The following RECQL variants were observed in gnomAD, a reference collection of about 807,000 sequenced individuals.
RECQL encodes ATP-dependent DNA helicase Q1.
A neutral mutation model predicts 75.8 loss-of-function variants in RECQL; 73 were observed. The observed-to-expected ratio is 0.96, with a 90% CI of 0.80 to 1.17. RECQL has a LOEUF of 1.17. Among genes scored for constraint, RECQL ranks in the 50% most tolerant of loss-of-function variants. RECQL has a pLI of 0.00. For synonymous variants in RECQL, 248 were observed against 254.4 expected (o/e 0.97, Z 0.24); for missense variants, 699 against 772.1 (o/e 0.91, Z 1.12).
intron 13 of RECQL, 107 bp downstream of exon 13, chr12:21,471,321 A>G (rs1286758947): frequency 1.3e-5 from 14 of 1,087,756 alleles, no homozygotes; most frequent in Admixed American, 2.9e-5. Context: ...TTTCTATAGC[A>G]TTTAAAAGTT....
Position 21,479,632 on chromosome 12 carries a change from C to T in RECQL, c.701-1663G>A, listed in dbSNP as rs139078713. Among the ~76,000 whole-genome samples the T allele has an allele frequency of 3.2e-3, 483 of 152,212 alleles. 4 individuals carry two copies. Among genetic ancestry groups the T allele is most frequent in the African/African-American group, 0.011 (455 of 41,536 alleles). On this transcript the variant is annotated intron_variant, in intron 6 of 14. Coordinates refer to ENST00000444129, the MANE Select transcript of RECQL (RefSeq NM_002907.4). ...CCTCCCAAAGTGCTGGGATTACAGGCGTGAGCCACCGCACCGAGCCCATCA... is the reference window on the plus strand; with the variant it reads ...CCTCCCAAAGTGCTGGGATTACAGGTGTGAGCCACCGCACCGAGCCCATCA...
chr12:21,490,547 G>T lies in RECQL; in HGVS notation c.215-169C>A, dbSNP rs77099696. On this transcript the variant is annotated intron_variant, in intron 3 of 14. Coordinates refer to ENST00000444129, the MANE Select transcript of RECQL (RefSeq NM_002907.4). Reference sequence around the variant, plus strand: ...TAAGCAAAGCAAAAACAAGTTAAATGATGTATTATAAGACATAGTAGGCAT... The same window carrying T: ...TAAGCAAAGCAAAAACAAGTTAAATTATGTATTATAAGACATAGTAGGCAT... Among the ~76,000 whole-genome samples the T allele has an allele frequency of 0.039, 5,989 of 152,254 alleles. 127 individuals are homozygous for T. The highest frequency in any genetic ancestry group is 0.061 in the Middle Eastern group (18 of 294).
intron 4 of RECQL, among the ~76,000 whole-genome samples, chr12:21,488,031 A>G (rs1168123500): frequency 6.6e-6 from 1 of 152,148 alleles, no homozygotes; most frequent in Non-Finnish European, 1.5e-5. Context: ...TCTTCCCTTC[A>G]TAGTCATTCT....
rs2137374344 is a variant in RECQL, at chr12:21,483,486, C to A, written c.590G>T (p.Ser197Ile). Residue 197 changes from serine to isoleucine, a missense_variant, in exon 6 of 15, where the codon AGC (serine) becomes ATC (isoleucine). By Grantham distance (142) the Ser-to-Ile change is moderately radical (BLOSUM62 -2). Around this residue, in one of 2 missense-constraint regions of RECQL, gnomAD observed 669 missense variants for 713.5 expected, o/e 0.94. Coordinates refer to ENST00000444129, the MANE Select transcript of RECQL (RefSeq NM_002907.4). ...CTCTAGTCTTGACATAAACATTTTG[C>A]TTTTTGCAATTTTCTCTGGAGTCAC... is the stretch of plus-strand genomic sequence containing the variant. ...IYVTPEKIAK[S>I]KMFMSRLEKA... 3 of 1,587,198 alleles carry A rather than the reference C, an allele frequency of 1.9e-6. No individual in the cohort carries two copies. The highest frequency in any genetic ancestry group is 2.6e-6 in the Non-Finnish European group (3 of 1,172,838).
intron 2 of RECQL, among the ~76,000 whole-genome samples, chr12:21,496,078 T>C (rs2136773231): frequency 6.6e-6 from 1 of 152,342 alleles, no homozygotes; most frequent in African/African-American, 2.4e-5. Flanking sequence ...ACTAAAAATA[T>C]TACTGCATTC....
Position 21,470,125 on chromosome 12 carries a change from C to G in RECQL, c.*69G>C. On this transcript the variant is annotated 3_prime_UTR_variant, in exon 15 of 15. Transcript: ENST00000444129. Reference sequence around the variant, plus strand: ...ATGAAATTCTTTTAAAAACTATTGTCTAACTACAAAAATAATGGCATATAC... The same window carrying G: ...ATGAAATTCTTTTAAAAACTATTGTGTAACTACAAAAATAATGGCATATAC... 9 of 1,541,494 alleles carry G rather than the reference C, an allele frequency of 5.8e-6. No individual in the cohort carries two copies. Among genetic ancestry groups the G allele is most frequent in the Non-Finnish European group, 7.0e-6 (8 of 1,135,724 alleles).
At chr12:21,490,046 T>C (rs1048775402) in intron 4 of RECQL, among the ~76,000 whole-genome samples, 153 bp downstream of exon 4, 1 of 152,158 alleles carries the variant, frequency 6.6e-6, no homozygotes, top group Non-Finnish European at 1.5e-5. Flanking sequence ...CTCCTTTAAG[T>C]GAAACTTTAA....
In RECQL at chr12:21,490,203, T is replaced by C; in HGVS notation, c.390A>G (p.Ser130=). 2 of 1,601,306 alleles carry C rather than the reference T, an allele frequency of 1.2e-6. No homozygotes were observed. Among genetic ancestry groups the C allele is most frequent in the Non-Finnish European group, 1.7e-6 (2 of 1,170,444 alleles). ...SLCYQLPALC[S]DGFTLVICPL... is the part of the protein sequence containing the mutation. ...ATTAATTTTTTTAGTACATACCATC[T>C]GAACATAATGCTGGTAACTGGTAAC... The change falls in exon 4 of 15, where the codon TCA becomes TCG. Residue 130 remains serine (S), a synonymous_variant. Transcript: ENST00000444129.
intron 5 of RECQL, among the ~76,000 whole-genome samples, chr12:21,486,221 T>C (rs959188058): frequency 2.6e-5 from 4 of 152,190 alleles, no homozygotes; most frequent in Admixed American, 2.6e-4. Flanking sequence ...ATACTGAAAC[T>C]TGAATTGCAA....
intron 2 of RECQL, among the ~76,000 whole-genome samples, chr12:21,495,002 C>T (rs775051032): frequency 2.9e-4 from 44 of 152,120 alleles, no homozygotes; most frequent in Non-Finnish European, 5.3e-4. Flanking sequence ...ATGGTCTGAC[C>T]GACAAGATCT....
chr12:21,472,348 G>A lies in RECQL; in HGVS notation c.1448-701C>T, dbSNP rs144659483. ...CATGCAAGAAACAATCTGAGAGCAA[G>A]CCAACAGAGTAAAGTGAAAGCAAAG... is the stretch of plus-strand genomic sequence containing the variant. On this transcript the variant is annotated intron_variant, in intron 12 of 14. Transcript: ENST00000444129. Among the ~76,000 whole-genome samples the A allele has an allele frequency of 1.3e-4, 20 of 152,202 alleles. No homozygotes were observed. The East Asian group carries it at 3.9e-3, about 29-fold the overall frequency.
rs144888414 is a variant in RECQL at position 21,490,284 on chromosome 12, T to C, written c.309A>G (p.Thr103=). ...RPLQLETINV[T]MAGKEVFLVM... is the part of the protein sequence containing the mutation. Reference sequence around the variant, plus strand: ...CAAGAAATACCTCCTTTCCAGCCATTGTTACGTTAATAGTTTCAAGCTGAA... The same window carrying C: ...CAAGAAATACCTCCTTTCCAGCCATCGTTACGTTAATAGTTTCAAGCTGAA... Residue 103 remains threonine (T), a synonymous_variant, in exon 4 of 15, where the codon ACA becomes ACG. Transcript: ENST00000444129. 6.3e-5 allele frequency: 102 copies of C among 1,612,762 alleles called. No homozygotes were observed. Among genetic ancestry groups the C allele is most frequent in the Admixed American group, 3.5e-4 (21 of 59,998 alleles).
At chr12:21,474,574 A>G (rs1013042398) in intron 11 of RECQL, among the ~76,000 whole-genome samples, 2 of 152,108 alleles carry the variant, frequency 1.3e-5, no homozygotes, top group Non-Finnish European at 2.9e-5. Context: ...TGCCAGAGAA[A>G]AAAAGCCTTC....
rs79652499 is a variant in RECQL, at chr12:21,490,612, T to A, written c.215-234A>T. ...ATAATCTCAACAGTTTTGGGAGGCC[T>A]AAGCAGGAGGATTACTTGAGCTCAG... is the stretch of plus-strand genomic sequence containing the variant. On this transcript the variant is annotated intron_variant, in intron 3 of 14. Transcript: ENST00000444129. 0.039 allele frequency among the ~76,000 whole-genome samples: 5,988 copies of A among 152,208 alleles called. 128 individuals are homozygous for A. The highest frequency in any genetic ancestry group is 0.061 in the Middle Eastern group (18 of 294).
intron 2 of RECQL, among the ~76,000 whole-genome samples, chr12:21,492,596 C>A (rs1003819775): frequency 1.3e-5 from 2 of 152,322 alleles, no homozygotes; most frequent in Admixed American, 1.3e-4. Context: ...TTAGGTTTGG[C>A]CACAAGTGAA....
chr12:21,486,498 A>C lies in RECQL; in HGVS notation c.482T>G (p.Leu161Ter). Reference protein sequence around the residue: ...LKQLGISATMLNASSSKEHVK... With the variant: ...LKQLGISATM ...ACATACCTTAGAACTAGAAGCATTT[A>C]ACATGGTTGCTGAAATTCCTAATTG... The change falls in exon 5 of 15, where the codon TTA (leucine) becomes TGA (stop). Residue 161 changes from leucine to a stop codon, truncating the protein, a stop_gained. Transcript: ENST00000444129. LOFTEE classifies it high-confidence loss of function. The C allele has an allele frequency of 6.3e-7, 1 of 1,598,032 alleles. No homozygotes were observed. Among genetic ancestry groups the C allele is most frequent in the Non-Finnish European group, 8.5e-7 (1 of 1,175,482 alleles).
rs763894040 is a variant in RECQL at position 21,470,206 on chromosome 12, G to C, written c.1938C>G (p.Ile646Met). 6.2e-7 allele frequency: 1 copy of C among 1,611,382 alleles called. No homozygotes were observed. Among genetic ancestry groups the C allele is most frequent in the South Asian group, 1.1e-5 (1 of 90,916 alleles). ...AGTAACATTCATATCAGGCATCATCGATTTTTCTTTTCTTAGCTCCTGTAT... is the reference window on the plus strand; with the variant it reads ...AGTAACATTCATATCAGGCATCATCCATTTTTCTTTTCTTAGCTCCTGTAT... ...SKNTGAKKRKIDDA is the reference protein window; with the variant it reads ...SKNTGAKKRKMDDA Residue 646 changes from isoleucine (I) to methionine (M), a missense_variant, in exon 15 of 15, where the codon ATC becomes ATG. By Grantham distance (10) the Ile-to-Met change is conservative. Coordinates refer to ENST00000444129, the MANE Select transcript of RECQL (RefSeq NM_002907.4).
chr12:21,493,862 T>C (rs569243803), intron 2 of RECQL, among the ~76,000 whole-genome samples: 1 of 152,280 alleles, frequency 6.6e-6, no homozygotes, highest in East Asian at 1.9e-4. Context: ...AACACAAAGA[T>C]GTAACCTGTC....
Position 21,469,687 on chromosome 12 carries a change from T to G in RECQL, c.*507A>C, listed in dbSNP as rs1942882816. The G allele has an allele frequency of 7.2e-6, 1 of 138,020 alleles. No homozygotes were observed. 8.5% of individuals were successfully genotyped at this position (138,020 alleles called of 1,614,324 possible). A position where few individuals can be genotyped will look rare whatever the true frequency, so the allele number is the denominator to read the frequency against. On this transcript the variant is annotated 3_prime_UTR_variant, in exon 15 of 15. Coordinates refer to ENST00000444129, the MANE Select transcript of RECQL (RefSeq NM_002907.4). ...TTAAAACATGAGATTTTTCTTGCAA[T>G]TTTTTTTTTAAGCTCATCAGCTATC...
Sources: gnomAD v4.1 joint callset for allele counts (sites outside exome capture counted in the v4.1 genomes callset) on GRCh38, gnomAD v4.1.1 for gene constraint, gnomAD v4.1.1 regional missense constraint, MANE v1.5 for transcripts, NCBI Gene and HGNC (gene_info 2026-07-23, HGNC 2026-07-21) for gene names.